The following SLIT3 variants were observed in gnomAD, a reference collection of about 807,000 sequenced individuals.
SLIT3 encodes slit guidance ligand 3.
Under a neutral mutation model 184.0 loss-of-function variants are expected in SLIT3, and 68 were observed. The observed-to-expected ratio is 0.37, with a 90% CI of 0.30 to 0.45. The LOEUF (loss-of-function observed/expected upper bound fraction) is 0.45. Among genes scored for constraint, SLIT3 ranks in the 20% least tolerant of loss-of-function variants. The pLI, the probability that SLIT3 is intolerant of heterozygous loss-of-function variation, is 1.00. For missense variants in SLIT3, 1,707 were observed against 2,026.0 expected (o/e 0.84, Z 3.02); for synonymous variants, 831 against 828.6 (o/e 1.00, Z -0.05).
intron 4 of SLIT3, among the ~76,000 whole-genome samples, chr5:169,174,336 A>T (rs1762904916): frequency 6.6e-6 from 1 of 152,218 alleles, no homozygotes; most frequent in African/African-American, 2.4e-5. Context: ...ATGAGACCAC[A>T]CACAGCCCCT....
intron 4 of SLIT3, among the ~76,000 whole-genome samples, chr5:168,900,471 T>C (rs980417857): frequency 6.6e-6 from 1 of 151,986 alleles, no homozygotes; most frequent in Non-Finnish European, 1.5e-5. Context: ...AAAACTTAGC[T>C]GGGTATAGTG....
intron 29 of SLIT3, among the ~76,000 whole-genome samples, chr5:168,692,229 TG>T (rs1418602438): frequency 9.9e-5 from 15 of 152,214 alleles, no homozygotes; most frequent in South Asian, 4.1e-4. Flanking sequence ...CTTTAGACGC[TG>T]CTTCCCCAGT....
chr5:169,232,902 A>T, intron 3 of SLIT3, among the ~76,000 whole-genome samples: 1 of 152,214 alleles, frequency 6.6e-6, no homozygotes, highest in Admixed American at 6.5e-5. Flanking sequence ...ATTCCAATAC[A>T]TGAACACCAT....
chr5:169,165,656 C>T (rs1017930155), intron 4 of SLIT3, among the ~76,000 whole-genome samples: 4 of 152,202 alleles, frequency 2.6e-5, no homozygotes, highest in Admixed American at 6.5e-5. Flanking sequence ...AGTCCTTACT[C>T]AAGTGTCACC....
At chr5:168,930,717 C>T (rs1761961878) in intron 4 of SLIT3, among the ~76,000 whole-genome samples, 1 of 151,988 alleles carries the variant, frequency 6.6e-6, no homozygotes, top group Admixed American at 6.6e-5. Flanking sequence ...TAGAAATAGG[C>T]CTGGAGAGCG....
At chr5:169,163,075 C>A (rs1762528059) in intron 4 of SLIT3, among the ~76,000 whole-genome samples, 1 of 152,068 alleles carries the variant, frequency 6.6e-6, no homozygotes, top group Admixed American at 6.5e-5. Flanking sequence ...GTAATCCCAG[C>A]ACTTTGGGAG....
At chr5:169,187,757 T>C (rs1185006371) in intron 4 of SLIT3, among the ~76,000 whole-genome samples, 1 of 152,004 alleles carries the variant, frequency 6.6e-6, no homozygotes, top group Non-Finnish European at 1.5e-5. Flanking sequence ...TTTCACCACA[T>C]TGGCCAGGCT....
chr5:169,248,845 T>C (rs142419651), intron 2 of SLIT3, among the ~76,000 whole-genome samples: 26 of 152,106 alleles, frequency 1.7e-4, no homozygotes, highest in African/African-American at 6.3e-4. Context: ...GAAAAAAAAA[T>C]GTCCTGGGCA....
At chr5:168,994,219 G>T (rs563777403) in intron 4 of SLIT3, 1 of 152,230 alleles carries the variant, frequency 6.6e-6, no homozygotes, top group East Asian at 1.9e-4. Flanking sequence ...GAAAAACAAG[G>T]TGAATGGAAT....
chr5:168,711,193 G>A (rs557323815), intron 24 of SLIT3, 135 bp from the exon 25 acceptor site: 112 of 718,064 alleles, frequency 1.6e-4, no homozygotes, highest in Middle Eastern at 5.8e-4. Context: ...CGGAGTAGTC[G>A]TCTCCACTGT....
chr5:168,890,880 A>G (rs1760429555), intron 4 of SLIT3, among the ~76,000 whole-genome samples: 1 of 152,216 alleles, frequency 6.6e-6, no homozygotes, highest in Non-Finnish European at 1.5e-5. Flanking sequence ...GATGGGCTTC[A>G]GTCTAATTTT....
chr5:169,165,404 A>G (rs796090752), intron 4 of SLIT3, among the ~76,000 whole-genome samples: 20 of 152,346 alleles, frequency 1.3e-4, no homozygotes, highest in African/African-American at 4.8e-4. Context: ...AGAAAGCCAG[A>G]AGTAGGGGGA....
chr5:168,774,642 C>T lies in SLIT3; in HGVS notation c.1152-264G>A, dbSNP rs1417449991. Among the ~76,000 whole-genome samples, 7 of 152,282 alleles carry T rather than the reference C, an allele frequency of 4.6e-5. No individual in the cohort carries two copies. The South Asian group carries it at 1.5e-3, about 32-fold the overall frequency. On this transcript the variant is annotated intron_variant, in intron 12 of 35. Transcript: ENST00000519560. ...TTGGCACCTTCTCTTGCACCCATGG[C>T]CTTGAAGGAAGACCTGAAAAGGCAC...
chr5:168,743,092 G>A (rs982379134), intron 20 of SLIT3, among the ~76,000 whole-genome samples: 1 of 152,182 alleles, frequency 6.6e-6, no homozygotes, highest in African/African-American at 2.4e-5. Context: ...TAAGAAACTG[G>A]CATGTTCAGG....
chr5:169,107,492 G>A (rs535305380), intron 4 of SLIT3, among the ~76,000 whole-genome samples: 1 of 152,316 alleles, frequency 6.6e-6, no homozygotes, highest in East Asian at 1.9e-4. Flanking sequence ...TAAGCTTTGT[G>A]CTTTGAACAT....
At chr5:168,870,093 C>T (rs1399230148) in intron 5 of SLIT3, among the ~76,000 whole-genome samples, 1 of 152,210 alleles carries the variant, frequency 6.6e-6, no homozygotes, top group Non-Finnish European at 1.5e-5. Flanking sequence ...TAAAAGAGAC[C>T]CACATGTACC....
intron 32 of SLIT3, among the ~76,000 whole-genome samples, chr5:168,678,288 T>C (rs1761473994): frequency 6.6e-6 from 1 of 152,184 alleles, no homozygotes; most frequent in African/African-American, 2.4e-5. Flanking sequence ...TCTGGCTTTT[T>C]ACCAGCATCC....
At chr5:168,780,180 T>C (rs1380682230) in intron 12 of SLIT3, among the ~76,000 whole-genome samples, 2 of 152,268 alleles carry the variant, frequency 1.3e-5, no homozygotes, top group African/African-American at 4.8e-5. Flanking sequence ...GTGGAGGACA[T>C]GGGTTATGTT....
chr5:168,743,503 T>C (rs2113438689), intron 20 of SLIT3, among the ~76,000 whole-genome samples: 1 of 152,372 alleles, frequency 6.6e-6, no homozygotes, highest in Non-Finnish European at 1.5e-5. Flanking sequence ...TTGTGTGTGC[T>C]CTGACTGCTT....
Sources: allele counts gnomAD v4.1 joint callset (sites outside exome capture counted in the v4.1 genomes callset), GRCh38; gene constraint gnomAD v4.1.1; transcripts MANE v1.5; gene names NCBI Gene and HGNC (gene_info 2026-07-23, HGNC 2026-07-21).